The following GBE1 variants were observed in gnomAD, a reference collection of about 807,000 sequenced individuals.
GBE1 encodes 1,4-alpha-glucan-branching enzyme.
A neutral mutation model predicts 88.8 loss-of-function variants in GBE1; 70 were observed. The observed-to-expected ratio is 0.79, with a 90% CI of 0.65 to 0.96. The LOEUF is 0.96. Ranked by LOEUF, GBE1 falls within the 40% of genes least tolerant of loss-of-function variation. The pLI, the probability that GBE1 is intolerant of heterozygous loss-of-function variation, is 0.00. For synonymous variants in GBE1, 284 were observed against 300.1 expected, an observed-to-expected ratio of 0.95 and a Z score of 0.56; for missense variants, 872 against 871.0, an observed-to-expected ratio of 1.00 and a Z score of -0.01.
intron 1 of GBE1, among the ~76,000 whole-genome samples, chr3:81,742,097 C>T (rs2107220857): frequency 6.6e-6 from 1 of 152,020 alleles, no homozygotes; most frequent in Non-Finnish European, 1.5e-5. Context: ...TAGATTATGT[C>T]ATTATAGCCA....
chr3:81,564,922 C>T (rs115974684), intron 12 of GBE1, among the ~76,000 whole-genome samples: 1,542 of 152,230 alleles, frequency 0.01, 13 homozygotes, highest in African/African-American at 0.025. Context: ...CTGCCAGAGC[C>T]TTACACTCAG....
intron 9 of GBE1, 141 bp from the exon 10 acceptor site, chr3:81,586,331 G>T: frequency 1.7e-6 from 1 of 573,056 alleles, no homozygotes; most frequent in Admixed American, 3.9e-5. Context: ...ATAAAATTGT[G>T]ATAGCATATC....
At chr3:81,541,767 G>A (rs1436298861) in intron 12 of GBE1, among the ~76,000 whole-genome samples, 1 of 152,012 alleles carries the variant, frequency 6.6e-6, no homozygotes, top group African/African-American at 2.4e-5. Flanking sequence ...CCCAGTCTAT[G>A]GTGGTTTGTT....
At chr3:81,659,081 C>T (rs1704984672) in intron 3 of GBE1, among the ~76,000 whole-genome samples, 1 of 151,550 alleles carries the variant, frequency 6.6e-6, no homozygotes. Context: ...AAAGAGTGTG[C>T]TTCAAAGAGA....
At chr3:81,536,836 G>T in intron 13 of GBE1, 75 bp downstream of exon 13, 6 of 1,116,726 alleles carry the variant, frequency 5.4e-6, no homozygotes, top group Middle Eastern at 2.7e-4. Flanking sequence ...TCTGCATAGA[G>T]ATTTAAATTG....
chr3:81,595,834 A>C (rs552626913), intron 7 of GBE1, among the ~76,000 whole-genome samples: 38 of 152,128 alleles, frequency 2.5e-4, no homozygotes, highest in African/African-American at 9.1e-4. Context: ...GGGAATAACT[A>C]TGTTAGTAGA....
At chr3:81,711,615 G>A (rs1420120685) in intron 1 of GBE1, among the ~76,000 whole-genome samples, 1 of 152,138 alleles carries the variant, frequency 6.6e-6, no homozygotes, top group African/African-American at 2.4e-5. Flanking sequence ...GTAGAAAGCT[G>A]AAACTGGATC....
intron 8 of GBE1, among the ~76,000 whole-genome samples, chr3:81,591,933 T>C (rs542304064): frequency 1.3e-5 from 2 of 152,294 alleles, no homozygotes; most frequent in East Asian, 3.9e-4. Flanking sequence ...TCAAGTTCTT[T>C]CATGTTTATA....
intron 2 of GBE1, among the ~76,000 whole-genome samples, chr3:81,688,280 T>C (rs1486546560): frequency 6.6e-6 from 1 of 152,234 alleles, no homozygotes; most frequent in African/African-American, 2.4e-5. Context: ...CATTTGCTTA[T>C]ACATAGCACT....
rs66966040 is a variant in GBE1 at position 81,722,915 on chromosome 3, T to TAC, written c.144-17304_144-17303dup. ...GTGTGTGTATATATATATATATATATACACACAAGTAAATATATATGTACT... is the reference window on the plus strand; with the variant it reads ...GTGTGTGTATATATATATATATATATACACACACAAGTAAATATATATGTACT... On this transcript the variant is annotated intron_variant, in intron 1 of 15. Transcript: ENST00000429644. 1.0e-3 allele frequency among the ~76,000 whole-genome samples: 152 copies of TAC among 145,482 alleles called. 2 individuals carry two copies. Among genetic ancestry groups the TAC allele is most frequent in the African/African-American group, 1.8e-3 (71 of 40,114 alleles).
intron 12 of GBE1, among the ~76,000 whole-genome samples, chr3:81,577,592 A>G (rs1349761547): frequency 6.6e-6 from 1 of 152,158 alleles, no homozygotes; most frequent in Non-Finnish European, 1.5e-5. Flanking sequence ...TATCTTTCTT[A>G]GATTTAATGT....
rs1022332263 is a variant in GBE1 at position 81,721,560 on chromosome 3, C to T, written c.144-15947G>A. Among the ~76,000 whole-genome samples, 12 of 152,238 alleles carry T rather than the reference C, an allele frequency of 7.9e-5. No homozygotes were observed. The East Asian group carries it at 9.7e-4, about 12-fold the overall frequency. ...TCAACCTTTCCCAAGACTGAGTTCA[C>T]GGAGAGCTTTGACCAAACTGCTCAA... On this transcript the variant is annotated intron_variant, in intron 1 of 15. Coordinates refer to ENST00000429644, the MANE Select transcript of GBE1 (RefSeq NM_000158.4).
intron 1 of GBE1, among the ~76,000 whole-genome samples, chr3:81,748,872 T>G (rs1454586296): frequency 6.6e-6 from 1 of 151,620 alleles, no homozygotes; most frequent in Non-Finnish European, 1.5e-5. Context: ...CTGGGCATGG[T>G]GGTGCGCACC....
intron 14 of GBE1, among the ~76,000 whole-genome samples, chr3:81,532,247 A>G (rs967459873): frequency 6.6e-6 from 1 of 151,882 alleles, no homozygotes; most frequent in Admixed American, 6.6e-5. Context: ...TAATTGTTCA[A>G]TTTGGTGTTC....
At chr3:81,680,304 T>C (rs1316670010) in intron 2 of GBE1, among the ~76,000 whole-genome samples, 2 of 151,962 alleles carry the variant, frequency 1.3e-5, no homozygotes, top group Admixed American at 1.3e-4. Flanking sequence ...CCATCCTGGC[T>C]AACATGGTGA....
At chr3:81,520,866 T>C (rs1032666649) in intron 14 of GBE1, among the ~76,000 whole-genome samples, 6 of 151,550 alleles carry the variant, frequency 4.0e-5, no homozygotes, top group Non-Finnish European at 7.4e-5. Flanking sequence ...TTGATTTTTT[T>C]CCTAGAATAT....
chr3:81,707,744 A>G (rs1274160000), intron 1 of GBE1, among the ~76,000 whole-genome samples: 2 of 152,050 alleles, frequency 1.3e-5, no homozygotes, highest in Non-Finnish European at 2.9e-5. Context: ...AGAAATAACT[A>G]TTTAAGGTAA....
chr3:81,758,015 G>C (rs905716022), intron 1 of GBE1, among the ~76,000 whole-genome samples: 3 of 152,154 alleles, frequency 2.0e-5, no homozygotes, highest in African/African-American at 7.2e-5. Context: ...CCAAGAAATA[G>C]TCCAACATGT....
At chr3:81,533,486 AG>A (rs1423726362) in intron 14 of GBE1, among the ~76,000 whole-genome samples, 3 of 152,048 alleles carry the variant, frequency 2.0e-5, no homozygotes, top group Non-Finnish European at 4.4e-5. Context: ...CTGGGTGGGA[AG>A]AAAGTAGGGA....
Sources: gnomAD v4.1 joint callset for allele counts (sites outside exome capture counted in the v4.1 genomes callset) on GRCh38, gnomAD v4.1.1 for gene constraint, MANE v1.5 for transcripts, NCBI Gene and HGNC (gene_info 2026-07-23, HGNC 2026-07-21) for gene names.